SLC38A3: variants seen among roughly 807,000 people sequenced by gnomAD.
SLC38A3 encodes sodium-coupled neutral amino acid transporter 3.
Under a neutral mutation model 59.5 loss-of-function variants are expected in SLC38A3, and 17 were observed. The ratio of observed to expected loss-of-function variants is 0.29; its 90% CI spans 0.20 to 0.43. The LOEUF is 0.43. Ranked by LOEUF, SLC38A3 falls within the 20% of genes least tolerant of loss-of-function variation. The pLI is 1.00. For synonymous variants in SLC38A3, 238 were observed against 260.3 expected, an observed-to-expected ratio of 0.91 and a Z score of 0.82; for missense variants, 454 against 653.9, an observed-to-expected ratio of 0.69 and a Z score of 3.33.
rs778163773 is a variant in SLC38A3, at chr3:50,217,854, AGGGCAAGGCGG to A, written c.855+19_855+29del. On this transcript the variant is annotated intron_variant, in intron 10 of 15. Transcript: ENST00000614032. The surrounding 1 kb of genome is among the most constrained non-coding windows in gnomAD (Gnocchi z 4.9). Reference sequence around the variant, plus strand: ...CTCAACTCACAGGTTCTGACAGGTCAGGGCAAGGCGGGGGCCCAATGAGAGTGGCAGACTGC... The same window carrying A: ...CTCAACTCACAGGTTCTGACAGGTCAGGGCCCAATGAGAGTGGCAGACTGC... 6.2e-7 allele frequency: 1 copy of A among 1,614,060 alleles called. No homozygotes were observed. Among genetic ancestry groups the A allele is most frequent in the Non-Finnish European group, 8.5e-7 (1 of 1,179,900 alleles).
In SLC38A3 at chr3:50,218,979, G is replaced by A. The variant is rs371806254; in HGVS notation, c.1306+31G>A. On this transcript the variant is annotated intron_variant, in intron 14 of 15. Transcript: ENST00000614032. This position sits in a 1 kb window ranked among gnomAD's most constrained non-coding sequence, Gnocchi z 5.8. ...GGTCTGGCCCTGCTGTGGAAGCAGG[G>A]TATTGCCCCAGAGGATTTCAACTCT... 5 of 1,593,174 alleles carry A rather than the reference G, an allele frequency of 3.1e-6. No homozygotes were observed. The African/African-American group carries it at 6.7e-5, about 21-fold the overall frequency.
Position 50,220,217 on chromosome 3 carries a change from C to T in SLC38A3, c.*40C>T. 6.8e-7 allele frequency: 1 copy of T among 1,460,608 alleles called. No homozygotes were observed. Among genetic ancestry groups the T allele is most frequent in the Non-Finnish European group, 9.4e-7 (1 of 1,065,810 alleles). 90.5% of individuals were successfully genotyped at this position (1,460,608 alleles called of 1,614,324 possible). On this transcript the variant is annotated 3_prime_UTR_variant, in exon 16 of 16. Transcript: ENST00000614032. ...TGTTCTGTCTACTCACCCTAGCAGC[C>T]CTGCCCAGACTCTTCAGCCCCTGCT...
intron 1 of SLC38A3, among the ~76,000 whole-genome samples, chr3:50,212,841 G>T (rs2109152770): frequency 6.6e-6 from 1 of 152,302 alleles, no homozygotes; most frequent in South Asian, 2.1e-4. Flanking sequence ...AGGGGCCGGA[G>T]TGGGGATGGG....
At chr3:50,219,779 C>T (rs1699871235) in intron 14 of SLC38A3, 102 bp from the exon 15 acceptor site, 2 of 945,734 alleles carry the variant, frequency 2.1e-6, no homozygotes, top group East Asian at 2.6e-5. Flanking sequence ...CAACATGAAA[C>T]TCCCTCAACA....
rs772006096 is a variant in SLC38A3 at position 50,215,734 on chromosome 3, C to G, written c.467-6C>G. The G allele has an allele frequency of 5.0e-6, 8 of 1,604,854 alleles. No individual in the cohort carries two copies. In the East Asian group the frequency reaches 1.1e-4, roughly 23 times the overall value. ...AGCGCCTGCCTGCCCGCCCCTCTCC[C>G]CACAGCCATGTCCAGCTACCTGTAC... is the stretch of plus-strand genomic sequence containing the variant. On this transcript the variant is annotated splice_polypyrimidine_tract_variant and splice_region_variant and intron_variant, in intron 6 of 15. Coordinates refer to ENST00000614032, the MANE Select transcript of SLC38A3 (RefSeq NM_006841.6). This position sits in a 1 kb window ranked among gnomAD's most constrained non-coding sequence, Gnocchi z 7.1.
At chr3:50,210,846 T>C (rs1335671910) in intron 1 of SLC38A3, among the ~76,000 whole-genome samples, 3 of 152,126 alleles carry the variant, frequency 2.0e-5, no homozygotes, top group Non-Finnish European at 4.4e-5. Context: ...ACTACATCCA[T>C]GACAGATGCC....
Position 50,218,930 on chromosome 3 carries a change from G to C in SLC38A3, c.1288G>C (p.Gly430Arg). The C allele has an allele frequency of 6.2e-7, 1 of 1,612,066 alleles. No individual in the cohort carries two copies. The highest frequency in any genetic ancestry group is 8.5e-7 in the Non-Finnish European group (1 of 1,178,368). The stretch of plus-strand genomic sequence containing the variant: ...GGTCATCTTTGCCCCCAACATCCTG[G>C]GCATCTTTGGGGTCATCGGTGAGGG... ...LLVIFAPNILGIFGVIGATSA... is the reference protein window; with the variant it reads ...LLVIFAPNILRIFGVIGATSA... The change falls in exon 14 of 16, where the codon GGC becomes CGC. Residue 430 changes from glycine to arginine, a missense_variant. By Grantham distance (125) the Gly-to-Arg change is moderately radical. This residue lies in a region of SLC38A3 where 390 missense variants were observed against 557.9 expected (regional missense o/e 0.70). Transcript: ENST00000614032. This position sits in a 1 kb window ranked among gnomAD's most constrained non-coding sequence, Gnocchi z 5.8.
chr3:50,205,885 C>A (rs1278790143), intron 1 of SLC38A3, among the ~76,000 whole-genome samples: 1 of 152,204 alleles, frequency 6.6e-6, no homozygotes, highest in African/African-American at 2.4e-5. Flanking sequence ...GAGGGCAGAT[C>A]GGGCCGGGCC....
rs1270179596 is a variant in SLC38A3, at chr3:50,214,285, T to C, written c.86T>C (p.Met29Thr). 6.2e-7 allele frequency: 1 copy of C among 1,613,832 alleles called. No individual in the cohort carries two copies. The highest frequency in any genetic ancestry group is 1.1e-5 in the South Asian group (1 of 91,056). The change falls in exon 2 of 16, where the codon ATG becomes ACG. Residue 29 changes from methionine to threonine, a missense_variant. Met to Thr is a moderately conservative substitution (Grantham distance 81). This residue lies in a region of SLC38A3 where 390 missense variants were observed against 557.9 expected (regional missense o/e 0.70). Coordinates refer to ENST00000614032, the MANE Select transcript of SLC38A3 (RefSeq NM_006841.6). The surrounding 1 kb of genome is among the most constrained non-coding windows in gnomAD (Gnocchi z 6.0). The stretch of plus-strand genomic sequence containing the variant: ...GGGCTGCTCCCGGTCATCACCCCCA[T>C]GGCAGGCAACCAGAGGTGAGTACCA... ...SEGLLPVITP[M>T]AGNQRVEDPA...
intron 1 of SLC38A3, among the ~76,000 whole-genome samples, chr3:50,210,385 G>A (rs1699707236): frequency 6.6e-6 from 1 of 152,170 alleles, no homozygotes. Context: ...CAGGTAGCCT[G>A]GGCCTCAGCA....
rs1699812247 is a variant in SLC38A3 at position 50,215,887 on chromosome 3, G to C, written c.548+66G>C. ...CAGTGAGGAGGGGTGGGGTGGGGTG[G>C]GGCTGGGTGAGGGTGGGGGGGCCCA... is the stretch of plus-strand genomic sequence containing the variant. On this transcript the variant is annotated intron_variant, in intron 7 of 15. Transcript: ENST00000614032. This position sits in a 1 kb window ranked among gnomAD's most constrained non-coding sequence, Gnocchi z 7.1. 1 of 346,814 alleles carries C rather than the reference G, an allele frequency of 2.9e-6. No homozygotes were observed. The highest frequency in any genetic ancestry group is 3.4e-5 in the Admixed American group (1 of 29,720). 21.5% of individuals were successfully genotyped at this position (346,814 alleles called of 1,614,324 possible).
Position 50,218,648 on chromosome 3 carries a change from C to T in SLC38A3, c.1092C>T (p.Val364=), listed in dbSNP as rs1345979820. ...HTYSKVDPFD[V]LILCVRVAVL... ...ACAGCAAGGTGGACCCGTTTGACGT[C>T]CTGATCCTGTGTGTGCGCGTGGCCG... Residue 364 remains valine, a synonymous_variant, in exon 13 of 16, where the codon GTC becomes GTT. Coordinates refer to ENST00000614032, the MANE Select transcript of SLC38A3 (RefSeq NM_006841.6). The surrounding 1 kb of genome is among the most constrained non-coding windows in gnomAD (Gnocchi z 5.8). 74 of 1,613,700 alleles carry T rather than the reference C, an allele frequency of 4.6e-5. No individual in the cohort carries two copies. The highest frequency in any genetic ancestry group is 6.2e-5 in the Non-Finnish European group (73 of 1,179,802).
rs1699786183 is a variant in SLC38A3, at chr3:50,214,421, A to C, written c.121A>C (p.Ser41Arg). Residue 41 changes from serine to arginine, a missense_variant, in exon 3 of 16, where the codon AGC becomes CGC. By Grantham distance (110) the Ser-to-Arg change is moderately radical (BLOSUM62 -1). This residue lies in a region of SLC38A3 where 390 missense variants were observed against 557.9 expected (regional missense o/e 0.70). Coordinates refer to ENST00000614032, the MANE Select transcript of SLC38A3 (RefSeq NM_006841.6). The surrounding 1 kb of genome is among the most constrained non-coding windows in gnomAD (Gnocchi z 6.0). ...GNQRVEDPAR[S>R]CMEGKSFLQK... ...CTACAGGGTCGAGGACCCTGCACGG[A>C]GCTGTATGGAGGGCAAGAGCTTCCT... is the stretch of plus-strand genomic sequence containing the variant. 1 of 1,582,966 alleles carries C rather than the reference A, an allele frequency of 6.3e-7. No individual in the cohort carries two copies. The highest frequency in any genetic ancestry group is 1.8e-5 in the Admixed American group (1 of 54,520).
chr3:50,210,936 T>C (rs1264637139), intron 1 of SLC38A3, among the ~76,000 whole-genome samples: 1 of 152,158 alleles, frequency 6.6e-6, no homozygotes, highest in East Asian at 1.9e-4. Flanking sequence ...TGGACTGTTC[T>C]GGGGATGAAG....
In SLC38A3 at chr3:50,218,015, G is replaced by A. The variant is rs587683534; in HGVS notation, c.935+19G>A. 3.4e-5 allele frequency: 55 copies of A among 1,612,392 alleles called. 2 individuals carry two copies. The South Asian group carries it at 4.0e-4, about 12-fold the overall frequency. ...TCAAGGAGTAGGTGTCTGTGGCTGG[G>A]AGTGGGGGTGGGGATGCCCTGAGCT... On this transcript the variant is annotated intron_variant, in intron 11 of 15. Coordinates refer to ENST00000614032, the MANE Select transcript of SLC38A3 (RefSeq NM_006841.6). This position sits in a 1 kb window ranked among gnomAD's most constrained non-coding sequence, Gnocchi z 5.8.
chr3:50,210,382 C>G (rs1435021365), intron 1 of SLC38A3, among the ~76,000 whole-genome samples: 3 of 152,184 alleles, frequency 2.0e-5, no homozygotes, highest in African/African-American at 7.2e-5. Flanking sequence ...GGTCAGGTAG[C>G]CTGGGCCTCA....
In SLC38A3 at chr3:50,218,467, G is replaced by C; in HGVS notation, c.1036+97G>C. ...TCCATACCGAGGCGTGTGGTGCCTG[G>C]CTGTGCCTTGCCGCTGTGGAGGTGA... On this transcript the variant is annotated intron_variant, in intron 12 of 15. Transcript: ENST00000614032. This position sits in a 1 kb window ranked among gnomAD's most constrained non-coding sequence, Gnocchi z 5.8. 1 of 1,548,540 alleles carries C rather than the reference G, an allele frequency of 6.5e-7. No homozygotes were observed. Among genetic ancestry groups the C allele is most frequent in the Non-Finnish European group, 8.9e-7 (1 of 1,124,800 alleles).
chr3:50,214,036 G>T lies in SLC38A3; in HGVS notation c.-51-113G>T, dbSNP rs1473496393. 5 of 636,498 alleles carry T rather than the reference G, an allele frequency of 7.9e-6. No homozygotes were observed. The Admixed American group carries it at 1.3e-4, about 17-fold the overall frequency. The allele number at this position is 636,498 out of a possible 1,614,324, so 39.4% of individuals were successfully genotyped here. On this transcript the variant is annotated intron_variant, in intron 1 of 15. Coordinates refer to ENST00000614032, the MANE Select transcript of SLC38A3 (RefSeq NM_006841.6). The surrounding 1 kb of genome is among the most constrained non-coding windows in gnomAD (Gnocchi z 6.0). ...GGCAGTAGGCAGAGCTGCATGTGTG[G>T]ATATGCCCCGAGTGACCATCTGGGA...
chr3:50,218,309 C>T lies in SLC38A3; in HGVS notation c.975C>T (p.Ser325=), dbSNP rs1394349629. 3.7e-6 allele frequency: 6 copies of T among 1,613,538 alleles called. No homozygotes were observed. Among genetic ancestry groups the T allele is most frequent in the African/African-American group, 1.3e-5 (1 of 74,918 alleles). ...AGATGCAGCACATCTCCAACCTGTC[C>T]ATCGCTGTCATGTACATCATGTACT... The part of the protein sequence containing the change: ...KKKMQHISNL[S]IAVMYIMYFL... Residue 325 remains serine (S), a synonymous_variant, in exon 12 of 16, where the codon TCC becomes TCT. Transcript: ENST00000614032. The surrounding 1 kb of genome is among the most constrained non-coding windows in gnomAD (Gnocchi z 5.8).
Sources: gnomAD v4.1 joint callset for allele counts (sites outside exome capture counted in the v4.1 genomes callset) on GRCh38, gnomAD v4.1.1 for gene constraint, gnomAD v4.1.1 regional missense constraint, Gnocchi (gnomAD v3.1) non-coding constraint, MANE v1.5 for transcripts, NCBI Gene and HGNC (gene_info 2026-07-23, HGNC 2026-07-21) for gene names.